COX6C: variants seen among roughly 807,000 people sequenced by gnomAD.
COX6C encodes the protein cytochrome c oxidase polypeptide VIc.
COX6C carries 3 observed loss-of-function variants against 6.9 expected under a neutral mutation model. That is an observed-to-expected ratio of 0.43 (90% CI 0.20 to 1.12). The LOEUF is 1.12. Ranked by LOEUF, COX6C falls within the 50% of genes most tolerant of loss-of-function variation. The pLI, the probability that COX6C is intolerant of heterozygous loss-of-function variation, is 0.27. For synonymous variants in COX6C, 32 were observed against 32.0 expected, an observed-to-expected ratio of 1.00 and a Z score of 0.00; for missense variants, 101 against 97.3, an observed-to-expected ratio of 1.04 and a Z score of -0.16.
intron 1 of COX6C, among the ~76,000 whole-genome samples, chr8:99,892,678 T>TCCCC (rs76610503): frequency 7.3e-4 from 110 of 151,316 alleles, no homozygotes; most frequent in East Asian, 1.2e-3. Context: ...TGTTTCATCT[T>TCCCC]CCCCCCGCCC....
chr8:99,883,423 G>A (rs1208441314), intron 3 of COX6C, among the ~76,000 whole-genome samples: 7 of 146,688 alleles, frequency 4.8e-5, no homozygotes, highest in East Asian at 3.9e-4. Flanking sequence ...GTGTGTGTGT[G>A]TATATATGTA....
chr8:99,884,576 A>T (rs78030031), intron 3 of COX6C, among the ~76,000 whole-genome samples: 2,803 of 152,288 alleles, frequency 0.018, 28 homozygotes, highest in Middle Eastern at 0.031. Context: ...GAAACATGTC[A>T]CTATAAAATA....
chr8:99,878,647 CAA>C (rs1019083790), intron 3 of COX6C: 1 of 150,082 alleles, frequency 6.7e-6, no homozygotes, highest in Non-Finnish European at 1.5e-5. Flanking sequence ...TTCCTGTCTC[CAA>C]ATATGTTCTC....
chr8:99,888,962 G>A (rs1306114419), intron 2 of COX6C, among the ~76,000 whole-genome samples: 3 of 152,200 alleles, frequency 2.0e-5, no homozygotes, highest in Non-Finnish European at 2.9e-5. Flanking sequence ...CCTGTTAGCA[G>A]GACCCCCTCT....
At chr8:99,893,148 G>A (rs546369409) in intron 1 of COX6C, 16 of 152,378 alleles carry the variant, frequency 1.1e-4, no homozygotes, top group Admixed American at 2.6e-4. Flanking sequence ...CAGGTACGGT[G>A]ACCCTCCTCC....
intron 2 of COX6C, among the ~76,000 whole-genome samples, chr8:99,888,432 A>G (rs568912799): frequency 4.9e-4 from 74 of 152,134 alleles, no homozygotes; most frequent in African/African-American, 1.6e-3. Flanking sequence ...TTAGCCAGGC[A>G]TGGTGGTGGG....
chr8:99,878,933 G>A (rs1285440306), intron 3 of COX6C: 4 of 151,796 alleles, frequency 2.6e-5, no homozygotes, highest in South Asian at 2.1e-4. Flanking sequence ...TTTGACTTAC[G>A]ATATTCTCAA....
At chr8:99,884,820 T>G (rs746177724) in intron 3 of COX6C, among the ~76,000 whole-genome samples, 3 of 152,150 alleles carry the variant, frequency 2.0e-5, no homozygotes, top group Non-Finnish European at 2.9e-5. Flanking sequence ...AAATTAAAGA[T>G]GCAAACTACT....
intron 3 of COX6C, among the ~76,000 whole-genome samples, chr8:99,881,125 C>A (rs1483662545): frequency 6.6e-6 from 1 of 152,056 alleles, no homozygotes; most frequent in African/African-American, 2.4e-5. Flanking sequence ...TTTGGGAGGC[C>A]CAGGCAGGCA....
In COX6C at chr8:99,892,064, C is replaced by A. The variant is rs371303619; in HGVS notation, c.-31-12G>T. The A allele has an allele frequency of 1.0e-5, 15 of 1,442,582 alleles. No individual in the cohort carries two copies. Among genetic ancestry groups the A allele is most frequent in the Non-Finnish European group, 1.4e-5 (15 of 1,047,998 alleles). The allele number at this position is 1,442,582 out of a possible 1,614,324, so 89.4% of individuals were successfully genotyped here. The stretch of plus-strand genomic sequence containing the variant: ...ATACGTATGCTAACCTTAAGAGATT[C>A]AGAAAATATGATTAAGTACAGAGTT... On this transcript the variant is annotated splice_polypyrimidine_tract_variant and intron_variant, in intron 1 of 3. Transcript: ENST00000520468.
chr8:99,887,275 G>C (rs559481935), intron 3 of COX6C: 40 of 360,066 alleles, frequency 1.1e-4, no homozygotes, highest in African/African-American at 7.7e-4. Flanking sequence ...GTGGTCATTG[G>C]TGCTCCCCCA....
chr8:99,881,797 GAC>G (rs1157340108), intron 3 of COX6C, among the ~76,000 whole-genome samples: 1 of 152,120 alleles, frequency 6.6e-6, no homozygotes, highest in Non-Finnish European at 1.5e-5. Context: ...CCAACCAAAA[GAC>G]AATGACAGAA....
intron 3 of COX6C, among the ~76,000 whole-genome samples, chr8:99,883,969 A>G (rs1817907134): frequency 6.6e-6 from 1 of 152,218 alleles, no homozygotes; most frequent in African/African-American, 2.4e-5. Flanking sequence ...TCCTTTCATG[A>G]TCAAAACTAT....
intron 2 of COX6C, among the ~76,000 whole-genome samples, chr8:99,891,384 C>T (rs764894897): frequency 7.9e-5 from 12 of 152,096 alleles, no homozygotes; most frequent in Non-Finnish European, 1.5e-4. Context: ...TCTCTGAAAC[C>T]TCATCTCTAC....
At chr8:99,882,380 T>C in intron 3 of COX6C, among the ~76,000 whole-genome samples, 1 of 152,228 alleles carries the variant, frequency 6.6e-6, no homozygotes, top group Non-Finnish European at 1.5e-5. Flanking sequence ...AAGTATCTTT[T>C]CTGATCACAA....
At chr8:99,891,806 G>A (rs1818056298) in intron 2 of COX6C, 102 bp downstream of exon 2, 2 of 970,570 alleles carry the variant, frequency 2.1e-6, no homozygotes, top group African/African-American at 3.2e-5. Context: ...GTGCAGAAAG[G>A]GTTAGAAAGA....
chr8:99,887,496 A>G lies in COX6C; in HGVS notation c.*9T>C. 1 of 1,558,206 alleles carries G rather than the reference A, an allele frequency of 6.4e-7. No homozygotes were observed. ...CTTCAAATAACCATATTACCTTTAT[A>G]TTCCAAGATTACTTTACACTCTGAA... On this transcript the variant is annotated 3_prime_UTR_variant, in exon 3 of 4. Coordinates refer to ENST00000520468, the MANE Select transcript of COX6C (RefSeq NM_004374.4).
chr8:99,889,812 C>T (rs888026666), intron 2 of COX6C, among the ~76,000 whole-genome samples: 47 of 150,834 alleles, frequency 3.1e-4, no homozygotes, highest in Non-Finnish European at 4.3e-4. Flanking sequence ...GAAATGCGAC[C>T]GGGTGCGGTG....
intron 2 of COX6C, among the ~76,000 whole-genome samples, chr8:99,888,700 G>A (rs776691757): frequency 6.6e-6 from 1 of 152,244 alleles, no homozygotes; most frequent in Non-Finnish European, 1.5e-5. Context: ...AAGGGTCCTA[G>A]CAAAAACCCA....
Sources: gnomAD v4.1 joint callset for allele counts (sites outside exome capture counted in the v4.1 genomes callset) on GRCh38, gnomAD v4.1.1 for gene constraint, MANE v1.5 for transcripts, NCBI Gene and HGNC (gene_info 2026-07-23, HGNC 2026-07-21) for gene names.